Variants in GDPD1 observed in about 807,000 individuals in gnomAD.
The protein encoded by GDPD1 is lysophospholipase D GDPD1.
A neutral mutation model predicts 45.1 loss-of-function variants in GDPD1; 28 were observed. That is an observed-to-expected ratio of 0.62 (90% CI 0.46 to 0.85). The LOEUF is 0.85. Among genes scored for constraint, GDPD1 ranks in the 40% least tolerant of loss-of-function variants. The probability of loss-of-function intolerance (pLI) is 0.00; values close to 1 mark genes in which losing one functional copy is unlikely to be tolerated. For synonymous variants in GDPD1, 139 were observed against 131.4 expected, an observed-to-expected ratio of 1.06 and a Z score of -0.40; for missense variants, 256 against 364.8, an observed-to-expected ratio of 0.70 and a Z score of 2.43.
intron 2 of GDPD1, among the ~76,000 whole-genome samples, chr17:59,238,411 T>A (rs2047150820): frequency 7.9e-6 from 1 of 127,200 alleles, no homozygotes; most frequent in Non-Finnish European, 1.6e-5. Flanking sequence ...CTTCTATTAT[T>A]TTTTATTTTT....
At chr17:59,240,086 T>G (rs2047163928) in intron 2 of GDPD1, among the ~76,000 whole-genome samples, 1 of 151,842 alleles carries the variant, frequency 6.6e-6, no homozygotes, top group African/African-American at 2.4e-5. Context: ...AGGGCAGGAG[T>G]TCGAGACCAG....
chr17:59,232,248 C>T (rs533715709), intron 1 of GDPD1, among the ~76,000 whole-genome samples: 1 of 152,010 alleles, frequency 6.6e-6, no homozygotes, highest in East Asian at 1.9e-4. Flanking sequence ...GTCAGGAGTT[C>T]GAGATCAGCA....
intron 1 of GDPD1, among the ~76,000 whole-genome samples, chr17:59,233,235 C>G (rs1347668729): frequency 6.7e-6 from 1 of 148,850 alleles, no homozygotes; most frequent in Non-Finnish European, 1.5e-5. Context: ...CAAAACAGGC[C>G]GGGCGCGGTG....
chr17:59,264,058 G>A (rs1323013556), intron 6 of GDPD1, among the ~76,000 whole-genome samples: 1 of 152,136 alleles, frequency 6.6e-6, no homozygotes, highest in Non-Finnish European at 1.5e-5. Flanking sequence ...GAGTGCAGTG[G>A]TGCAATCTTG....
At chr17:59,236,773 G>A (rs1487955892) in intron 2 of GDPD1, among the ~76,000 whole-genome samples, 2 of 152,114 alleles carry the variant, frequency 1.3e-5, no homozygotes, top group African/African-American at 4.8e-5. Flanking sequence ...GCCTCCCAAA[G>A]TGCTGGGATT....
At chr17:59,261,265 C>G (rs2047723209) in intron 6 of GDPD1, among the ~76,000 whole-genome samples, 1 of 152,058 alleles carries the variant, frequency 6.6e-6, no homozygotes, top group Non-Finnish European at 1.5e-5. Context: ...CACACCTGGC[C>G]TAAAGCAAGT....
In GDPD1 at chr17:59,257,721, A is replaced by G. The variant is rs201436934; in HGVS notation, c.487-30A>G. 1,000 of 1,419,662 alleles carry G rather than the reference A, an allele frequency of 7.0e-4. 13 individuals carry two copies. The South Asian group carries it at 0.01, about 15-fold the overall frequency. The allele number at this position is 1,419,662 out of a possible 1,614,324, so 87.9% of individuals were successfully genotyped here. A position where few individuals can be genotyped will look rare whatever the true frequency, so the allele number is the denominator to read the frequency against. ...TGTTAGTGGATTTGCAAATAGGCAC[A>G]TGCATAAAATTTTGAATTTTCACAC... On this transcript the variant is annotated intron_variant, in intron 5 of 9. Transcript: ENST00000284116.
chr17:59,249,497 G>T (rs560857429), intron 4 of GDPD1, among the ~76,000 whole-genome samples: 14 of 152,250 alleles, frequency 9.2e-5, no homozygotes, highest in African/African-American at 2.9e-4. Flanking sequence ...ATAATATTTA[G>T]TTCTGTCTTT....
intron 3 of GDPD1, among the ~76,000 whole-genome samples, chr17:59,247,690 C>T (rs1052718517): frequency 2.0e-5 from 3 of 151,738 alleles, no homozygotes; most frequent in Non-Finnish European, 4.4e-5. Flanking sequence ...AGTGCAATGG[C>T]GCAATCTTGG....
intron 2 of GDPD1, among the ~76,000 whole-genome samples, chr17:59,242,337 A>G (rs919350072): frequency 6.6e-6 from 1 of 152,266 alleles, no homozygotes; most frequent in Non-Finnish European, 1.5e-5. Context: ...TGCTGGAATT[A>G]CAGGTGTGAG....
chr17:59,275,300 C>A lies in GDPD1; in HGVS notation c.*1527C>A. ...ATACATAATCAGCAGCAGCCAGGCT[C>A]AAGAAAATAAAAGTTGATTAGTTGA... On this transcript the variant is annotated 3_prime_UTR_variant, in exon 10 of 10. Coordinates refer to ENST00000284116, the MANE Select transcript of GDPD1 (RefSeq NM_182569.4). 1 of 913,734 alleles carries A rather than the reference C, an allele frequency of 1.1e-6. No homozygotes were observed. Among genetic ancestry groups the A allele is most frequent in the Non-Finnish European group, 1.7e-6 (1 of 604,520 alleles). 56.6% of individuals were successfully genotyped at this position (913,734 alleles called of 1,614,324 possible).
chr17:59,263,354 A>G (rs1364416084), intron 6 of GDPD1, among the ~76,000 whole-genome samples: 2 of 152,128 alleles, frequency 1.3e-5, no homozygotes, highest in Admixed American at 6.6e-5. Flanking sequence ...GCCTGTAATC[A>G]TAGAACTTTT....
chr17:59,244,937 A>C (rs1431643466), intron 2 of GDPD1, among the ~76,000 whole-genome samples: 1 of 152,180 alleles, frequency 6.6e-6, no homozygotes. Flanking sequence ...TTGAGGATGC[A>C]ATGAGCCATG....
intron 6 of GDPD1, among the ~76,000 whole-genome samples, chr17:59,265,419 T>C (rs2047391569): frequency 6.6e-6 from 1 of 151,714 alleles, no homozygotes; most frequent in African/African-American, 2.4e-5. Context: ...ATGTCTGTAG[T>C]CCCAGCTGTT....
chr17:59,228,439 C>T lies in GDPD1; in HGVS notation c.143-6053C>T, dbSNP rs373258599. 2.3e-3 allele frequency among the ~76,000 whole-genome samples: 353 copies of T among 152,106 alleles called. 12 individuals carry two copies. In the South Asian group the frequency reaches 0.067, roughly 29 times the overall value. On this transcript the variant is annotated intron_variant, in intron 1 of 9. Transcript: ENST00000284116. ...AGAGAAACAGGTAAATAATTTATGCCATAATATGATAAATGCCTTAGTAGA... is the reference window on the plus strand; with the variant it reads ...AGAGAAACAGGTAAATAATTTATGCTATAATATGATAAATGCCTTAGTAGA...
intron 6 of GDPD1, among the ~76,000 whole-genome samples, chr17:59,265,910 A>G (rs973448886): frequency 2.0e-5 from 3 of 151,400 alleles, no homozygotes; most frequent in African/African-American, 7.3e-5. Context: ...TCAAAAAAAA[A>G]AAAAAAAAAA....
rs528396403 is a variant in GDPD1, at chr17:59,245,811, T to C, written c.321+262T>C. On this transcript the variant is annotated intron_variant, in intron 3 of 9. Coordinates refer to ENST00000284116, the MANE Select transcript of GDPD1 (RefSeq NM_182569.4). ...ATCAGGCTAGGCGACATAGCAAGACTCCATCTTCATTAAAATATAGGAAAA... is the reference window on the plus strand; with the variant it reads ...ATCAGGCTAGGCGACATAGCAAGACCCCATCTTCATTAAAATATAGGAAAA... Among the ~76,000 whole-genome samples, 3 of 152,078 alleles carry C rather than the reference T, an allele frequency of 2.0e-5. No individual in the cohort carries two copies. The East Asian group carries it at 5.8e-4, about 29-fold the overall frequency.
chr17:59,232,550 G>A (rs2047099598), intron 1 of GDPD1, among the ~76,000 whole-genome samples: 1 of 152,068 alleles, frequency 6.6e-6, no homozygotes. Flanking sequence ...ATTGACCAAT[G>A]GTGAAATAGC....
intron 2 of GDPD1, among the ~76,000 whole-genome samples, chr17:59,240,759 C>T (rs1381508064): frequency 2.6e-5 from 4 of 152,126 alleles, no homozygotes; most frequent in Non-Finnish European, 4.4e-5. Context: ...GCATGAGCCA[C>T]CGTGCCAGGT....
Sources: gnomAD v4.1 joint callset for allele counts (sites outside exome capture counted in the v4.1 genomes callset) on GRCh38, gnomAD v4.1.1 for gene constraint, MANE v1.5 for transcripts, NCBI Gene and HGNC (gene_info 2026-07-23, HGNC 2026-07-21) for gene names.